Variants in SCAP observed in about 807,000 individuals in gnomAD.
SCAP encodes sterol regulatory element-binding protein cleavage-activating protein.
Under a neutral mutation model 123.6 loss-of-function variants are expected in SCAP, and 65 were observed. That is an observed-to-expected ratio of 0.53 (90% CI 0.43 to 0.65). The LOEUF is 0.65. Ranked by LOEUF, SCAP falls within the 30% of genes least tolerant of loss-of-function variation. The probability of loss-of-function intolerance (pLI) is 0.00; values close to 1 mark genes in which losing one functional copy is unlikely to be tolerated. For missense variants in SCAP, 1,398 were observed against 1,712.5 expected (o/e 0.82, Z 3.24); for synonymous variants, 740 against 726.3 (o/e 1.02, Z -0.30).
chr3:47,466,940 A>C (rs1707849761), intron 1 of SCAP, among the ~76,000 whole-genome samples: 1 of 151,948 alleles, frequency 6.6e-6, no homozygotes, highest in Admixed American at 6.6e-5. Context: ...AAATACAAAA[A>C]AAATTAGCCA....
chr3:47,433,471 C>T (rs566252553), intron 3 of SCAP, among the ~76,000 whole-genome samples: 1 of 152,372 alleles, frequency 6.6e-6, no homozygotes, highest in Admixed American at 6.5e-5. Flanking sequence ...CATCACACCC[C>T]TTACGGCCTC....
chr3:47,441,685 C>T (rs1417019278), intron 2 of SCAP, among the ~76,000 whole-genome samples: 2 of 152,004 alleles, frequency 1.3e-5, no homozygotes, highest in Non-Finnish European at 2.9e-5. Flanking sequence ...CAGGCGGGCA[C>T]CAGAGTCCCT....
At position 47,434,971 on chromosome 3, in the gene SCAP, G is replaced by A. The variant is rs375418289; in HGVS notation, c.252+37C>T. The stretch of plus-strand genomic sequence containing the variant: ...CTGCCTCAGCCAGTCTCCACCCAAC[G>A]CTCTGTGCTGGCCTCAGGAACATGA... On this transcript the variant is annotated intron_variant, in intron 3 of 22. Coordinates refer to ENST00000265565, the MANE Select transcript of SCAP (RefSeq NM_012235.4). The A allele has an allele frequency of 4.5e-5, 72 of 1,613,666 alleles. No individual in the cohort carries two copies. The East Asian group carries it at 1.1e-3, about 24-fold the overall frequency.
At chr3:47,469,596 T>C (rs1449330307) in intron 1 of SCAP, among the ~76,000 whole-genome samples, 1 of 152,194 alleles carries the variant, frequency 6.6e-6, no homozygotes, top group East Asian at 1.9e-4. Context: ...TGACCTCAAG[T>C]GATCCACCCA....
In SCAP at chr3:47,415,162, G is replaced by A. The variant is rs760685789; in HGVS notation, c.3075C>T (p.Leu1025=). 1.9e-6 allele frequency: 3 copies of A among 1,612,028 alleles called. No homozygotes were observed. Among genetic ancestry groups the A allele is most frequent in the African/African-American group, 2.7e-5 (2 of 74,866 alleles). ...AGGAGAAGAAATCAAGGGAACCGTT[G>A]AGCCGTGCAGCCACAATCCTGGAAG... ...FLDKRIVAAR[L]NGSLDFFSLE... Residue 1025 remains leucine, a synonymous_variant, in exon 19 of 23, where the codon CTC becomes CTT. Transcript: ENST00000265565.
At chr3:47,431,966 C>T (rs1416777646) in intron 3 of SCAP, among the ~76,000 whole-genome samples, 16 of 152,122 alleles carry the variant, frequency 1.1e-4, no homozygotes, top group Admixed American at 1.0e-3. Context: ...AATGGACTCA[C>T]AGAGAATTAT....
At chr3:47,435,513 C>CACACACACACACACAA in intron 2 of SCAP, among the ~76,000 whole-genome samples, 1 of 145,540 alleles carries the variant, frequency 6.9e-6, no homozygotes, top group African/African-American at 2.5e-5. Context: ...CACACACACA[C>CACACACACACACACAA]ACACAGATAG....
At chr3:47,461,443 T>C (rs1339926644) in intron 1 of SCAP, among the ~76,000 whole-genome samples, 1 of 152,208 alleles carries the variant, frequency 6.6e-6, no homozygotes, top group Non-Finnish European at 1.5e-5. Context: ...ACACAATTCT[T>C]CCAAATGTTC....
intron 2 of SCAP, among the ~76,000 whole-genome samples, chr3:47,437,719 G>A (rs1706639853): frequency 6.6e-6 from 1 of 152,070 alleles, no homozygotes; most frequent in Non-Finnish European, 1.5e-5. Context: ...TCCAGCCTAG[G>A]TGACAGAGTG....
In SCAP at chr3:47,417,396, G is replaced by A. The variant is rs748205031; in HGVS notation, c.2878C>T (p.Leu960Phe). 1 of 1,590,454 alleles carries A rather than the reference G, an allele frequency of 6.3e-7. No homozygotes were observed. Among genetic ancestry groups the A allele is most frequent in the African/African-American group, 1.3e-5 (1 of 74,200 alleles). ...CCCTCGGCACTGGGGGCCCAGGCGA[G>A]GGAAGGGGAGCCTTTCTCGGGGGAG... Reference protein sequence around the residue: ...GGSPEKGSPSLAWAPSAEGSI... With the variant: ...GGSPEKGSPSFAWAPSAEGSI... The change falls in exon 17 of 23, where the codon CTC becomes TTC. Residue 960 changes from leucine to phenylalanine, a missense_variant. Physicochemically the swap from Leu to Phe is conservative, Grantham distance 22 (BLOSUM62 0). Transcript: ENST00000265565.
intron 1 of SCAP, among the ~76,000 whole-genome samples, chr3:47,471,031 G>C (rs1371271902): frequency 6.6e-6 from 1 of 152,162 alleles, no homozygotes; most frequent in Non-Finnish European, 1.5e-5. Flanking sequence ...TAATGACTAA[G>C]TGACAGACAT....
intron 6 of SCAP, 86 bp downstream of exon 6, chr3:47,427,071 A>G: frequency 1.1e-6 from 1 of 936,050 alleles, no homozygotes; most frequent in South Asian, 1.4e-5. Flanking sequence ...GGGGGCATTC[A>G]GAACACTCTA....
At chr3:47,449,622 T>C (rs555326910) in intron 1 of SCAP, among the ~76,000 whole-genome samples, 1 of 124,456 alleles carries the variant, frequency 8.0e-6, no homozygotes, top group African/African-American at 2.7e-5. Flanking sequence ...CCCATGAGGA[T>C]CCCCTTTCCT....
intron 1 of SCAP, among the ~76,000 whole-genome samples, chr3:47,461,793 G>A (rs535759382): frequency 6.6e-6 from 1 of 152,136 alleles, no homozygotes; most frequent in East Asian, 1.9e-4. Flanking sequence ...TAGGACTCTC[G>A]GAGGCCGAGG....
chr3:47,421,252 G>T, intron 10 of SCAP: 1 of 569,768 alleles, frequency 1.8e-6, no homozygotes, highest in Non-Finnish European at 3.2e-6. Context: ...CTTCAGAAAG[G>T]GCTGAAAGGG....
intron 1 of SCAP, among the ~76,000 whole-genome samples, chr3:47,453,585 T>C (rs1010811457): frequency 6.6e-5 from 10 of 152,172 alleles, no homozygotes; most frequent in Non-Finnish European, 1.3e-4. Context: ...TGTGTCAGCC[T>C]CTGGCCTAAG....
intron 1 of SCAP, among the ~76,000 whole-genome samples, chr3:47,470,796 A>T (rs986019043): frequency 2.0e-5 from 3 of 152,144 alleles, no homozygotes; most frequent in Admixed American, 2.0e-4. Flanking sequence ...AGGGGGGCGA[A>T]GGTTGCAGTG....
intron 1 of SCAP, among the ~76,000 whole-genome samples, chr3:47,448,754 T>A (rs1201210140): frequency 3.3e-5 from 5 of 152,216 alleles, no homozygotes; most frequent in Non-Finnish European, 7.3e-5. Flanking sequence ...CCCTTACTTG[T>A]TATAGCAAGG....
Position 47,420,530 on chromosome 3 carries a change from GGGCAGGGCAGGGGT to G in SCAP, c.1563+10_1563+23del. 2 of 1,568,476 alleles carry G rather than the reference GGGCAGGGCAGGGGT, an allele frequency of 1.3e-6. No individual in the cohort carries two copies. Among genetic ancestry groups the G allele is most frequent in the Non-Finnish European group, 1.7e-6 (2 of 1,156,564 alleles). The stretch of plus-strand genomic sequence containing the variant: ...AGCACCGGCCCTCCAGAAGAGGGCA[GGGCAGGGCAGGGGT>G]GGCAGGTACCATGATGAGGCGCTGT... On this transcript the variant is annotated intron_variant, in intron 12 of 22. Coordinates refer to ENST00000265565, the MANE Select transcript of SCAP (RefSeq NM_012235.4). The surrounding 1 kb of genome is among the most constrained non-coding windows in gnomAD (Gnocchi z 5.0).
Sources: allele counts gnomAD v4.1 joint callset (sites outside exome capture counted in the v4.1 genomes callset), GRCh38; gene constraint gnomAD v4.1.1; non-coding constraint Gnocchi (gnomAD v3.1); transcripts MANE v1.5; gene names NCBI Gene and HGNC (gene_info 2026-07-23, HGNC 2026-07-21).